Variants in VRK3 observed in about 807,000 individuals in gnomAD.
VRK3 encodes the protein VRK serine/threonine kinase 3, also known as serine/threonine-protein kinase VRK3.
VRK3 carries 50 observed loss-of-function variants against 60.4 expected under a neutral mutation model. The ratio of observed to expected loss-of-function variants is 0.83; its 90% confidence interval spans 0.66 to 1.05. The LOEUF is 1.05. Ranked by LOEUF, VRK3 falls within the 50% of genes least tolerant of loss-of-function variation. The pLI, the probability that VRK3 is intolerant of heterozygous loss-of-function variation, is 0.00. For missense variants in VRK3, 549 were observed against 585.3 expected (o/e 0.94, Z 0.64); for synonymous variants, 246 against 227.8 (o/e 1.08, Z -0.72).
Position 49,992,955 on chromosome 19 carries a change from G to A in VRK3, c.871-3C>T, listed in dbSNP as rs2076636551. ...TGGAGGAACTCCAGGGCATCCAGCT[G>A]GGGGAAGAAGCAAGTCAGTGTCTGC... is the stretch of plus-strand genomic sequence containing the variant. On this transcript the variant is annotated splice_polypyrimidine_tract_variant and splice_region_variant and intron_variant, in intron 9 of 14. Transcript: ENST00000316763. 1.2e-6 allele frequency: 2 copies of A among 1,610,604 alleles called. No individual in the cohort carries two copies. Among genetic ancestry groups the A allele is most frequent in the Admixed American group, 1.7e-5 (1 of 59,994 alleles).
chr19:50,023,005 T>C (rs566534754), intron 1 of VRK3, among the ~76,000 whole-genome samples: 1 of 152,148 alleles, frequency 6.6e-6, no homozygotes, highest in Non-Finnish European at 1.5e-5. Flanking sequence ...ACAGCTTCGG[T>C]GCTTTTCCCC....
Position 50,011,491 on chromosome 19 carries a change from CCA to C in VRK3, c.140-2108_140-2107del, listed in dbSNP as rs376332964. On this transcript the variant is annotated intron_variant, in intron 3 of 14. Transcript: ENST00000316763. ...GGTTTCCATGCCTCGAATCCATTTT[CCA>C]CACAGAGAAGCCACAGAAATCTTTC... 1.7e-4 allele frequency among the ~76,000 whole-genome samples: 26 copies of C among 152,304 alleles called. 1 individual carries two copies. Among genetic ancestry groups the C allele is most frequent in the African/African-American group, 6.0e-4 (25 of 41,556 alleles).
intron 7 of VRK3, among the ~76,000 whole-genome samples, chr19:49,995,624 C>T (rs898169429): frequency 6.6e-6 from 1 of 152,200 alleles, no homozygotes; most frequent in Non-Finnish European, 1.5e-5. Context: ...CATGGCATCA[C>T]CGGAATGTGC....
At chr19:50,000,765 GC>G (rs996582976) in intron 6 of VRK3, 24 bp downstream of exon 6, 13 of 1,602,808 alleles carry the variant, frequency 8.1e-6, no homozygotes, top group Admixed American at 3.4e-5. Context: ...CCTCCAAGCT[GC>G]CCCCCACCTG....
At chr19:50,013,766 G>T (rs1026088489) in intron 3 of VRK3, among the ~76,000 whole-genome samples, 1 of 152,146 alleles carries the variant, frequency 6.6e-6, no homozygotes, top group African/African-American at 2.4e-5. Context: ...ATCAACACAG[G>T]TTACAGAAAC....
intron 12 of VRK3, among the ~76,000 whole-genome samples, chr19:49,981,393 A>C (rs2076419631): frequency 6.6e-6 from 1 of 152,076 alleles, no homozygotes; most frequent in South Asian, 2.1e-4. Context: ...AAAATATAAA[A>C]AACTAGCCGG....
chr19:49,981,076 G>C, intron 12 of VRK3, 63 bp from the exon 13 acceptor site: 1 of 1,446,850 alleles, frequency 6.9e-7, no homozygotes, highest in Non-Finnish European at 9.6e-7. Flanking sequence ...TTTTAAAACA[G>C]AATGCCTAAG....
intron 9 of VRK3, 96 bp downstream of exon 9, chr19:49,994,718 G>T: frequency 1.8e-6 from 2 of 1,082,184 alleles, no homozygotes; most frequent in South Asian, 1.5e-5. Flanking sequence ...GCGGAGGGGG[G>T]TGGGGGCCGG....
intron 9 of VRK3, among the ~76,000 whole-genome samples, chr19:49,994,451 G>A (rs1463228078): frequency 4.6e-5 from 7 of 152,228 alleles, no homozygotes; most frequent in Admixed American, 2.6e-4. Flanking sequence ...TGCCCCAGCT[G>A]TATCCTTGGC....
intron 1 of VRK3, among the ~76,000 whole-genome samples, chr19:50,023,745 G>GGC (rs1270614076): frequency 5.9e-5 from 9 of 152,194 alleles, no homozygotes; most frequent in African/African-American, 1.9e-4. Flanking sequence ...TGGGTGGGGG[G>GGC]GGTCCCCAGC....
chr19:50,007,861 A>C (rs749183822), intron 4 of VRK3, 35 bp from the exon 5 acceptor site: 2 of 1,609,066 alleles, frequency 1.2e-6, no homozygotes, highest in Non-Finnish European at 8.5e-7. Context: ...TAAAAGCACC[A>C]TCCAGGAGAG....
At chr19:49,995,035 G>T (rs1443687108) in intron 8 of VRK3, 116 bp from the exon 9 acceptor site, 2 of 1,272,300 alleles carry the variant, frequency 1.6e-6, no homozygotes, top group African/African-American at 1.5e-5. Context: ...TGAGATCAAA[G>T]GTTCTGACTG....
intron 10 of VRK3, among the ~76,000 whole-genome samples, chr19:49,990,077 G>A (rs1321875116): frequency 3.3e-5 from 5 of 151,714 alleles, no homozygotes; most frequent in South Asian, 2.1e-4. Context: ...TGGGGAGGGG[G>A]CTCTTGTTTT....
At chr19:50,010,126 T>G (rs575279933) in intron 3 of VRK3, among the ~76,000 whole-genome samples, 2 of 152,054 alleles carry the variant, frequency 1.3e-5, no homozygotes, top group Non-Finnish European at 2.9e-5. Flanking sequence ...TACACATATA[T>G]ACATATATAG....
chr19:49,996,770 C>A (rs186366782), intron 7 of VRK3, among the ~76,000 whole-genome samples: 2 of 151,906 alleles, frequency 1.3e-5, no homozygotes, highest in African/African-American at 4.8e-5. Context: ...GCACACGCCA[C>A]CACGCCTGGC....
chr19:50,024,302 CATAAGT>C (rs1255831994), intron 1 of VRK3, among the ~76,000 whole-genome samples: 1 of 152,152 alleles, frequency 6.6e-6, no homozygotes, highest in Non-Finnish European at 1.5e-5. Flanking sequence ...GGCAACTCTC[CATAAGT>C]ATATGATTTG....
At chr19:49,989,079 G>C (rs766339257) in intron 11 of VRK3, among the ~76,000 whole-genome samples, 1 of 152,158 alleles carries the variant, frequency 6.6e-6, no homozygotes, top group Admixed American at 6.5e-5. Context: ...CCCGATGCTG[G>C]AGGCAGGGGT....
chr19:49,983,157 G>T (rs2076452715), intron 12 of VRK3, among the ~76,000 whole-genome samples: 2 of 118,960 alleles, frequency 1.7e-5, no homozygotes, highest in Admixed American at 1.9e-4. Flanking sequence ...TGGCTCCCCA[G>T]CACACACTGG....
intron 12 of VRK3, chr19:49,982,072 G>T (rs2076433622): frequency 1.4e-6 from 1 of 700,046 alleles, no homozygotes; most frequent in East Asian, 2.7e-5. Flanking sequence ...GAGATATCTG[G>T]GTCAACCACA....
Sources: gnomAD v4.1 joint callset for allele counts (sites outside exome capture counted in the v4.1 genomes callset) on GRCh38, gnomAD v4.1.1 for gene constraint, MANE v1.5 for transcripts, NCBI Gene and HGNC (gene_info 2026-07-23, HGNC 2026-07-21) for gene names.